The following CFAP46 variants were observed in gnomAD, a reference collection of about 807,000 sequenced individuals.
CFAP46 encodes cilia- and flagella-associated protein 46.
In CFAP46, 245 loss-of-function variants were observed where a neutral mutation model predicts 325.7. The ratio of observed to expected loss-of-function variants is 0.75; its 90% CI spans 0.68 to 0.84. The LOEUF (loss-of-function observed/expected upper bound fraction) is 0.84. CFAP46 is among the 40% of genes least tolerant of loss of function. The pLI, the probability that CFAP46 is intolerant of heterozygous loss-of-function variation, is 0.00. For synonymous variants in CFAP46, 1,523 were observed against 1,495.9 expected (o/e 1.02, Z -0.42); for missense variants, 3,346 against 3,543.0 (o/e 0.94, Z 1.41).
chr10:132,924,865 T>C lies in CFAP46; in HGVS notation c.1087A>G (p.Arg363Gly). Residue 363 changes from arginine (R) to glycine (G), a missense_variant, in exon 11 of 58, where the codon AGG becomes GGG. Arg to Gly is a moderately radical substitution (Grantham distance 125, BLOSUM62 -2). Coordinates refer to ENST00000368586, the MANE Select transcript of CFAP46 (RefSeq NM_001200049.3). ...GCTCGCTGCAGCGCGACGTCTAGCC[T>C]CTGTATGATATCCAGCTGGGCCTGC... ...AVEAQLDIIQ[R>G]LDVALQRAVR... is the part of the protein sequence containing the mutation. 7.1e-7 allele frequency: 1 copy of C among 1,400,900 alleles called. No homozygotes were observed. The highest frequency in any genetic ancestry group is 1.5e-5 in the African/African-American group (1 of 66,318). 86.8% of individuals were successfully genotyped at this position (1,400,900 alleles called of 1,614,324 possible).
At chr10:132,814,995 G>C in intron 50 of CFAP46, 81 bp from the exon 51 acceptor site, 1 of 1,223,434 alleles carries the variant, frequency 8.2e-7, no homozygotes, top group Non-Finnish European at 1.2e-6. Flanking sequence ...TTAATTTCAT[G>C]TTATGCAAAT....
intron 36 of CFAP46, 125 bp downstream of exon 36, chr10:132,860,657 G>A (rs1359038831): frequency 2.5e-6 from 3 of 1,216,264 alleles, no homozygotes; most frequent in Non-Finnish European, 3.5e-6. Context: ...TCTGAGGGTG[G>A]GGCAGGGATG....
At chr10:132,915,447 C>T (rs1849622049) in intron 17 of CFAP46, among the ~76,000 whole-genome samples, 2 of 152,280 alleles carry the variant, frequency 1.3e-5, no homozygotes, top group South Asian at 4.1e-4. Flanking sequence ...ATTGCTGCTG[C>T]CTGACCACCT....
intron 50 of CFAP46, among the ~76,000 whole-genome samples, chr10:132,824,345 CTGTGTGA>C (rs1361722804): frequency 1.8e-5 from 2 of 110,684 alleles, no homozygotes; most frequent in Non-Finnish European, 3.5e-5. Context: ...GTGCTGTGTG[CTGTGTGA>C]GCGCTGATGT....
intron 8 of CFAP46, among the ~76,000 whole-genome samples, chr10:132,930,331 C>G: frequency 6.6e-6 from 1 of 150,526 alleles, no homozygotes; most frequent in African/African-American, 2.5e-5. Flanking sequence ...ATGGGACTCC[C>G]CACACTCCCC....
At chr10:132,823,786 T>G (rs1431060416) in intron 50 of CFAP46, among the ~76,000 whole-genome samples, 1 of 146,672 alleles carries the variant, frequency 6.8e-6, no homozygotes, top group African/African-American at 2.5e-5. Flanking sequence ...GTGTGTGCAC[T>G]GATGTGTGCT....
At chr10:132,874,993 G>A (rs535688231) in intron 31 of CFAP46, among the ~76,000 whole-genome samples, 5 of 152,170 alleles carry the variant, frequency 3.3e-5, no homozygotes, top group African/African-American at 1.2e-4. Context: ...CAGATAAAAC[G>A]ATGATGTACA....
rs1332502189 is a variant in CFAP46 at position 132,847,651 on chromosome 10, T to C, written c.5953-330A>G. ...CACATTCCCAGGGGGCTCTCGTTCC[T>C]GTCCTTTGGAAACACCTCTCCCGGA... On this transcript the variant is annotated intron_variant, in intron 41 of 57. Transcript: ENST00000368586. The surrounding 1 kb of genome is among the most constrained non-coding windows in gnomAD (Gnocchi z 5.2). Among the ~76,000 whole-genome samples the C allele has an allele frequency of 6.6e-6, 1 of 152,008 alleles. No individual in the cohort carries two copies. The highest frequency in any genetic ancestry group is 1.5e-5 in the Non-Finnish European group (1 of 67,982).
At chr10:132,935,597 T>C (rs1381372212) in intron 7 of CFAP46, among the ~76,000 whole-genome samples, 1 of 120,400 alleles carries the variant, frequency 8.3e-6, no homozygotes, top group Non-Finnish European at 1.7e-5. Flanking sequence ...AAACCCACTG[T>C]GATCTCCTCG....
At position 132,836,132 on chromosome 10, in the gene CFAP46, C is replaced by A. The variant is rs375638066; in HGVS notation, c.6613+10G>T. The A allele has an allele frequency of 8.1e-6, 13 of 1,601,566 alleles. No individual in the cohort carries two copies. Among genetic ancestry groups the A allele is most frequent in the Admixed American group, 1.7e-5 (1 of 58,980 alleles). On this transcript the variant is annotated intron_variant, in intron 46 of 57. Transcript: ENST00000368586. ...TGCTCCCCCTCCCCCTCCCCTGCAG[C>A]CCTGCTCACCTCCCACCGCCTGCAC... is the stretch of plus-strand genomic sequence containing the variant.
intron 50 of CFAP46, among the ~76,000 whole-genome samples, chr10:132,819,822 G>C (rs1847761197): frequency 6.6e-6 from 1 of 152,178 alleles, no homozygotes; most frequent in South Asian, 2.1e-4. Flanking sequence ...CTCCTTGACT[G>C]GGTCTTGGCA....
rs1554883970 is a variant in CFAP46, at chr10:132,912,542, T to TCTCTCTCTCTCTTCCC, written c.2499+112_2499+113insGGGAAGAGAGAGAGAG. ...CTCTCTCTTCACCTCTCTCCTCTCCTCTCTCTCTCTCTTCACCTCTCTCCT... is the reference window on the plus strand; with the variant it reads ...CTCTCTCTTCACCTCTCTCCTCTCCTCTCTCTCTCTCTTCCCCTCTCTCTCTCTTCACCTCTCTCCT... On this transcript the variant is annotated intron_variant, in intron 19 of 57. Transcript: ENST00000368586. 1.9e-4 allele frequency: 57 copies of TCTCTCTCTCTCTTCCC among 302,422 alleles called. 2 individuals carry two copies. In the African/African-American group the frequency reaches 2.7e-3, roughly 14 times the overall value. The allele number at this position is 302,422 out of a possible 1,614,324, so 18.7% of individuals were successfully genotyped here.
intron 8 of CFAP46, among the ~76,000 whole-genome samples, chr10:132,932,254 T>TACCATGCGACAAG (rs1258400820): frequency 8.2e-6 from 1 of 121,624 alleles, no homozygotes; most frequent in African/African-American, 3.3e-5. Flanking sequence ...TGGGCCTTCC[T>TACCATGCGACAAG]CCTCCCCACA....
Position 132,941,622 on chromosome 10 carries a change from T to C in CFAP46, c.275A>G (p.Gln92Arg), listed in dbSNP as rs763529175. The C allele has an allele frequency of 1.9e-6, 3 of 1,613,984 alleles. No homozygotes were observed. The highest frequency in any genetic ancestry group is 4.5e-5 in the East Asian group (2 of 44,868). The change falls in exon 3 of 58, where the codon CAG (glutamine) becomes CGG (arginine). Residue 92 changes from glutamine to arginine, a missense_variant. By Grantham distance (43) the Gln-to-Arg change is conservative. Transcript: ENST00000368586. ...TTCTGCCGACTTCGGGGCACACATC[T>C]GGGCCCTGCACAGGTGCGCTCGGCC... ...FLGRAHLCRA[Q>R]MCAPKSAENL...
chr10:132,933,616 C>T (rs1255423701), intron 8 of CFAP46, among the ~76,000 whole-genome samples: 1 of 152,238 alleles, frequency 6.6e-6, no homozygotes, highest in Non-Finnish European at 1.5e-5. Flanking sequence ...CCCCTGCGGC[C>T]CAGGCTGTGG....
At chr10:132,891,758 C>T (rs1343097566) in intron 25 of CFAP46, among the ~76,000 whole-genome samples, 2 of 152,258 alleles carry the variant, frequency 1.3e-5, no homozygotes, top group East Asian at 3.8e-4. Context: ...AACTCCTCAT[C>T]TAAACCCAGA....
At chr10:132,863,259 G>C (rs1385573816) in intron 35 of CFAP46, among the ~76,000 whole-genome samples, 1 of 152,144 alleles carries the variant, frequency 6.6e-6, no homozygotes, top group Non-Finnish European at 1.5e-5. Flanking sequence ...CGACCCCGGG[G>C]TGAGGGAGAC....
At chr10:132,904,346 C>T (rs1453921962) in intron 22 of CFAP46, among the ~76,000 whole-genome samples, 1 of 152,118 alleles carries the variant, frequency 6.6e-6, no homozygotes, top group East Asian at 1.9e-4. Context: ...CAGGAGCACC[C>T]ACCTGCGGTT....
intron 33 of CFAP46, among the ~76,000 whole-genome samples, chr10:132,868,669 C>T (rs1045310052): frequency 4.6e-5 from 7 of 152,160 alleles, no homozygotes; most frequent in African/African-American, 7.2e-5. Flanking sequence ...TGGGGCCAAT[C>T]GTGAGCTTTA....
Sources: gnomAD v4.1 joint callset for allele counts (sites outside exome capture counted in the v4.1 genomes callset) on GRCh38, gnomAD v4.1.1 for gene constraint, Gnocchi (gnomAD v3.1) non-coding constraint, MANE v1.5 for transcripts, NCBI Gene and HGNC (gene_info 2026-07-23, HGNC 2026-07-21) for gene names.